The following DSCAM variants were observed in gnomAD, a reference collection of about 807,000 sequenced individuals.
DSCAM encodes the protein DS cell adhesion molecule.
A neutral mutation model predicts 217.7 loss-of-function variants in DSCAM; 47 were observed. That is an observed-to-expected ratio of 0.22 (90% CI 0.17 to 0.28). The LOEUF (loss-of-function observed/expected upper bound fraction) is 0.28. Ranked by LOEUF, DSCAM falls within the 10% of genes least tolerant of loss-of-function variation. DSCAM has a pLI of 1.00. For missense variants in DSCAM, 2,080 were observed against 2,618.3 expected (o/e 0.79, Z 4.49); for synonymous variants, 1,056 against 1,015.3 (o/e 1.04, Z -0.76).
chr21:40,316,668 C>T (rs1425287658), intron 8 of DSCAM, among the ~76,000 whole-genome samples: 4 of 152,104 alleles, frequency 2.6e-5, no homozygotes, highest in Non-Finnish European at 5.9e-5. Flanking sequence ...ACCCTTTCTA[C>T]AAGAAGTACG....
chr21:40,047,305 C>CT (rs1234563863), intron 30 of DSCAM, among the ~76,000 whole-genome samples: 1 of 152,046 alleles, frequency 6.6e-6, no homozygotes, highest in Non-Finnish European at 1.5e-5. Context: ...CACAGGAAGC[C>CT]TTTTTTGTGT....
intron 11 of DSCAM, among the ~76,000 whole-genome samples, chr21:40,261,461 GC>G (rs1310294985): frequency 6.6e-6 from 1 of 152,106 alleles, no homozygotes; most frequent in Non-Finnish European, 1.5e-5. Context: ...AAGAAACTCT[GC>G]CTGCCTGATG....
At chr21:40,123,302 A>C (rs758852630) in intron 20 of DSCAM, among the ~76,000 whole-genome samples, 1 of 152,186 alleles carries the variant, frequency 6.6e-6, no homozygotes, top group Non-Finnish European at 1.5e-5. Context: ...CGTTATGTGT[A>C]TTTTACCAGA....
At chr21:40,435,496 A>C (rs1601642004) in intron 3 of DSCAM, among the ~76,000 whole-genome samples, 1 of 151,960 alleles carries the variant, frequency 6.6e-6, no homozygotes, top group African/African-American at 2.4e-5. Context: ...GAACCTAAAA[A>C]TGAAAGTTTA....
chr21:40,439,356 C>T (rs776069276), intron 3 of DSCAM, among the ~76,000 whole-genome samples: 12 of 152,196 alleles, frequency 7.9e-5, no homozygotes, highest in Non-Finnish European at 1.6e-4. Flanking sequence ...GGCCTGGATC[C>T]CACTGTTCAG....
intron 3 of DSCAM, among the ~76,000 whole-genome samples, chr21:40,426,720 G>A (rs150741237): frequency 2.6e-5 from 4 of 152,270 alleles, no homozygotes; most frequent in African/African-American, 7.2e-5. Flanking sequence ...GGCCCAGCAA[G>A]CTTTGTTGTG....
At chr21:40,357,235 A>G (rs1441004212) in intron 4 of DSCAM, among the ~76,000 whole-genome samples, 1 of 152,246 alleles carries the variant, frequency 6.6e-6, no homozygotes, top group Non-Finnish European at 1.5e-5. Context: ...CTTCTAAAGG[A>G]AATTACAAAC....
intron 3 of DSCAM, among the ~76,000 whole-genome samples, chr21:40,369,667 A>G (rs375036861): frequency 1.0e-3 from 158 of 152,244 alleles, no homozygotes; most frequent in African/African-American, 3.6e-3. Context: ...TTTTTGTTGC[A>G]CATCTCTAGC....
At chr21:40,198,414 T>C (rs1660007765) in intron 11 of DSCAM, among the ~76,000 whole-genome samples, 1 of 152,180 alleles carries the variant, frequency 6.6e-6, no homozygotes, top group Non-Finnish European at 1.5e-5. Context: ...CACACTCATG[T>C]GCCCCACCAC....
intron 20 of DSCAM, among the ~76,000 whole-genome samples, chr21:40,114,903 G>A (rs1255441871): frequency 6.6e-6 from 1 of 152,148 alleles, no homozygotes; most frequent in Non-Finnish European, 1.5e-5. Context: ...TCATTAAAAA[G>A]TCAGGAAACA....
At chr21:40,334,279 T>C (rs1255060381) in intron 8 of DSCAM, among the ~76,000 whole-genome samples, 1 of 152,162 alleles carries the variant, frequency 6.6e-6, no homozygotes, top group Non-Finnish European at 1.5e-5. Context: ...TTGTTTAGTG[T>C]GTATTTCAAC....
At chr21:40,205,166 G>C (rs534225446) in intron 11 of DSCAM, among the ~76,000 whole-genome samples, 1 of 152,198 alleles carries the variant, frequency 6.6e-6, no homozygotes, top group African/African-American at 2.4e-5. Flanking sequence ...CAGGGGAGAC[G>C]AACAGACACT....
At chr21:40,212,098 T>C (rs2091190962) in intron 11 of DSCAM, among the ~76,000 whole-genome samples, 1 of 151,892 alleles carries the variant, frequency 6.6e-6, no homozygotes, top group African/African-American at 2.4e-5. Flanking sequence ...GCCTCCCAAG[T>C]AGCTGGGATT....
At chr21:40,548,863 G>T (rs950144372) in intron 3 of DSCAM, among the ~76,000 whole-genome samples, 1 of 152,130 alleles carries the variant, frequency 6.6e-6, no homozygotes, top group African/African-American at 2.4e-5. Context: ...GTGGCCCAAA[G>T]AATTAAAAAT....
At chr21:40,189,310 G>T (rs2090930351) in intron 11 of DSCAM, 72 bp from the exon 12 acceptor site, 1 of 1,210,714 alleles carries the variant, frequency 8.3e-7, no homozygotes, top group African/African-American at 1.6e-5. Context: ...AAACACTCAG[G>T]TAAACCATGC....
intron 11 of DSCAM, among the ~76,000 whole-genome samples, chr21:40,261,650 T>TACACACACA (rs373042306): frequency 0.015 from 1,734 of 112,580 alleles, 36 homozygotes; most frequent in African/African-American, 0.046. Context: ...TCTCTCTCTC[T>TACACACACA]CTACACACAC....
intron 3 of DSCAM, among the ~76,000 whole-genome samples, chr21:40,454,938 C>G (rs1220140604): frequency 2.0e-5 from 3 of 152,214 alleles, no homozygotes; most frequent in Non-Finnish European, 2.9e-5. Flanking sequence ...TGCGCACAAC[C>G]TGCTGACCTT....
At chr21:40,085,195 T>C (rs1176150507) in intron 23 of DSCAM, among the ~76,000 whole-genome samples, 2 of 152,254 alleles carry the variant, frequency 1.3e-5, no homozygotes, top group African/African-American at 4.8e-5. Flanking sequence ...ATACATTGCA[T>C]ATAAAAATTG....
intron 3 of DSCAM, among the ~76,000 whole-genome samples, chr21:40,567,386 G>A (rs1309626831): frequency 6.6e-6 from 1 of 152,228 alleles, no homozygotes; most frequent in Non-Finnish European, 1.5e-5. Context: ...TTAGTGCTCA[G>A]GACACAGCCA....
Sources: gnomAD v4.1 joint callset for allele counts (sites outside exome capture counted in the v4.1 genomes callset) on GRCh38, gnomAD v4.1.1 for gene constraint, MANE v1.5 for transcripts, NCBI Gene and HGNC (gene_info 2026-07-23, HGNC 2026-07-21) for gene names.